IRS2: variants seen among roughly 807,000 people sequenced by gnomAD.
IRS2 encodes the protein insulin receptor substrate 2.
A neutral mutation model predicts 70.9 loss-of-function variants in IRS2; 28 were observed. The ratio of observed to expected loss-of-function variants is 0.39; its 90% CI spans 0.29 to 0.54. The LOEUF (loss-of-function observed/expected upper bound fraction) is 0.54, where lower values mean the gene tolerates loss of function less well. IRS2 is among the 20% of genes least tolerant of loss of function. The pLI, the probability that IRS2 is intolerant of heterozygous loss-of-function variation, is 0.59. For missense variants in IRS2, 2,081 were observed against 2,024.1 expected (o/e 1.03, Z -0.54); for synonymous variants, 1,217 against 981.9 (o/e 1.24, Z -4.48).
At chr13:109,766,199 T>C (rs546424435) in intron 1 of IRS2, among the ~76,000 whole-genome samples, 1 of 10,480 alleles carries the variant, frequency 9.5e-5, no homozygotes, top group African/African-American at 3.4e-4. Flanking sequence ...ACCAAGCATG[T>C]AGATATCCCA....
chr13:109,779,974 A>G (rs1877661384), intron 1 of IRS2, among the ~76,000 whole-genome samples: 1 of 152,150 alleles, frequency 6.6e-6, no homozygotes, highest in African/African-American at 2.4e-5. Context: ...ATTATTTCCT[A>G]TTTGGACCCC....
In IRS2 at chr13:109,783,464, G is replaced by C; in HGVS notation, c.2590C>G (p.Pro864Ala). 6.5e-7 allele frequency: 1 copy of C among 1,540,068 alleles called. No homozygotes were observed. Among genetic ancestry groups the C allele is most frequent in the Non-Finnish European group, 8.7e-7 (1 of 1,145,814 alleles). Residue 864 changes from proline (P) to alanine (A), a missense_variant, in exon 1 of 2, where the codon CCT (proline) becomes GCT (alanine). Around this residue, in one of 4 missense-constraint regions of IRS2, gnomAD observed 1,615 missense variants for 1,459.5 expected, o/e 1.11. Coordinates refer to ENST00000375856, the MANE Select transcript of IRS2 (RefSeq NM_003749.3). Reference protein sequence around the residue: ...FGAGPTQPPHPVVPSPVRPSG... With the variant: ...FGAGPTQPPHAVVPSPVRPSG... ...GGCCGCACGGGCGAAGGCACTACAG[G>C]GTGAGGGGGCTGCGTGGGGCCGGCC...
chr13:109,769,544 C>G (rs551692784), intron 1 of IRS2, among the ~76,000 whole-genome samples: 1 of 152,176 alleles, frequency 6.6e-6, no homozygotes, highest in South Asian at 2.1e-4. Context: ...TCTGTAAGAC[C>G]GGCTTCCCCT....
Position 109,783,713 on chromosome 13 carries a change from G to C in IRS2, c.2341C>G (p.Pro781Ala), listed in dbSNP as rs1270526175. 6.4e-7 allele frequency: 1 copy of C among 1,571,960 alleles called. No individual in the cohort carries two copies. The highest frequency in any genetic ancestry group is 8.6e-7 in the Non-Finnish European group (1 of 1,158,706). Residue 781 changes from proline (P) to alanine (A), a missense_variant, in exon 1 of 2, where the codon CCC becomes GCC. By Grantham distance (27) the Pro-to-Ala change is conservative (BLOSUM62 -1). This residue lies in a region of IRS2 where 1,615 missense variants were observed against 1,459.5 expected (regional missense o/e 1.11). Coordinates refer to ENST00000375856, the MANE Select transcript of IRS2 (RefSeq NM_003749.3). The stretch of plus-strand genomic sequence containing the variant: ...TGCAGGGCTGCGGAGAAGAAGTCGG[G>C]CGGGGTGCCCGTGGTGACCGCGTCG... ...PSDAVTTGTP[P>A]DFFSAALHPG...
Position 109,782,924 on chromosome 13 carries a change from G to C in IRS2, c.3130C>G (p.Leu1044Val), listed in dbSNP as rs1385034575. Reference protein sequence around the residue: ...PPPAPGELYRLPPASAVATAQ... With the variant: ...PPPAPGELYRVPPASAVATAQ... ...GTGGCAACGGCCGAGGCGGGGGGCAGGCGGTACAGCTCCCCCGGGGCCGGC... is the reference window on the plus strand; with the variant it reads ...GTGGCAACGGCCGAGGCGGGGGGCACGCGGTACAGCTCCCCCGGGGCCGGC... The change falls in exon 1 of 2, where the codon CTG becomes GTG. Residue 1044 changes from leucine to valine, a missense_variant. Coordinates refer to ENST00000375856, the MANE Select transcript of IRS2 (RefSeq NM_003749.3). The C allele has an allele frequency of 2.8e-5, 43 of 1,540,082 alleles. No individual in the cohort carries two copies. The highest frequency in any genetic ancestry group is 3.7e-5 in the Non-Finnish European group (42 of 1,142,394).
intron 1 of IRS2, among the ~76,000 whole-genome samples, chr13:109,781,190 C>T (rs1206301699): frequency 6.6e-6 from 1 of 152,152 alleles, no homozygotes. Context: ...TCAATCCTCC[C>T]CAGGTGAGTC....
At chr13:109,773,758 A>G (rs1163861152) in intron 1 of IRS2, among the ~76,000 whole-genome samples, 2 of 152,214 alleles carry the variant, frequency 1.3e-5, no homozygotes, top group African/African-American at 4.8e-5. Flanking sequence ...GGTTTCTTTT[A>G]GTCTATGGAT....
At chr13:109,767,692 A>T (rs1029721907) in intron 1 of IRS2, among the ~76,000 whole-genome samples, 1 of 148,350 alleles carries the variant, frequency 6.7e-6, no homozygotes, top group Non-Finnish European at 1.5e-5. Context: ...TCACGCAGTG[A>T]TATTCCATTC....
At chr13:109,781,943 G>T in intron 1 of IRS2, 99 bp downstream of exon 1, 2 of 1,383,538 alleles carry the variant, frequency 1.4e-6, no homozygotes, top group Non-Finnish European at 2.0e-6. Flanking sequence ...CGGCTTCTGG[G>T]TCAAGGTCCC....
chr13:109,784,251 C>A lies in IRS2; in HGVS notation c.1803G>T (p.Met601Ile), dbSNP rs761797472. The stretch of plus-strand genomic sequence containing the variant: ...CCGCGCTGCCCGAGAAGGTGGCCCG[C>A]ATCAGGGTGTATTCATCCAGCGAGG... The part of the protein sequence containing the change: ...SSASLDEYTL[M>I]RATFSGSAGR... Residue 601 changes from methionine (M) to isoleucine (I), a missense_variant, in exon 1 of 2, where the codon ATG (methionine) becomes ATT (isoleucine). By Grantham distance (10) the Met-to-Ile change is conservative. Around this residue, in one of 4 missense-constraint regions of IRS2, gnomAD observed 1,615 missense variants for 1,459.5 expected, o/e 1.11. Coordinates refer to ENST00000375856, the MANE Select transcript of IRS2 (RefSeq NM_003749.3). The surrounding 1 kb of genome is among the most constrained non-coding windows in gnomAD (Gnocchi z 5.2). The A allele has an allele frequency of 5.7e-6, 9 of 1,583,298 alleles. No homozygotes were observed. The South Asian group carries it at 9.0e-5, about 16-fold the overall frequency.
chr13:109,782,442 T>G lies in IRS2; in HGVS notation c.3612A>C (p.Pro1204=), dbSNP rs376586626. 374 of 1,583,108 alleles carry G rather than the reference T, an allele frequency of 2.4e-4. 1 individual carries two copies. The African/African-American group carries it at 4.6e-3, about 20-fold the overall frequency. The part of the protein sequence containing the change: ...PGGGDEPPTS[P]RQLQPAPPLA... The stretch of plus-strand genomic sequence containing the variant: ...AAGGGGGCGCCGGCTGCAACTGTCG[T>G]GGGGAGGTGGGCGGCTCGTCGCCCC... Residue 1204 remains proline (P), a synonymous_variant, in exon 1 of 2, where the codon CCA becomes CCC. Coordinates refer to ENST00000375856, the MANE Select transcript of IRS2 (RefSeq NM_003749.3).
intron 1 of IRS2, among the ~76,000 whole-genome samples, chr13:109,769,153 A>G (rs1456460940): frequency 1.3e-5 from 2 of 152,124 alleles, no homozygotes; most frequent in African/African-American, 2.4e-5. Flanking sequence ...TTCAAATTTT[A>G]TATACTTTTG....
In IRS2 at chr13:109,753,489, GCTC is replaced by G. The variant is rs1348465336; in HGVS notation, c.*2812_*2814del. On this transcript the variant is annotated 3_prime_UTR_variant, in exon 2 of 2. Coordinates refer to ENST00000375856, the MANE Select transcript of IRS2 (RefSeq NM_003749.3). Reference sequence around the variant, plus strand: ...GTCTCTTAGCATTTTTGTACCTCGGGCTCCTCCTCTGTAGAATGAGGATGACAA... The same window carrying G: ...GTCTCTTAGCATTTTTGTACCTCGGGCTCCTCTGTAGAATGAGGATGACAA... 1.3e-5 allele frequency: 2 copies of G among 152,222 alleles called. No homozygotes were observed. Among genetic ancestry groups the G allele is most frequent in the African/African-American group, 4.8e-5 (2 of 41,422 alleles). 9.4% of individuals were successfully genotyped at this position (152,222 alleles called of 1,614,324 possible).
chr13:109,763,046 C>CCATA (rs984087342), intron 1 of IRS2, among the ~76,000 whole-genome samples: 3 of 152,128 alleles, frequency 2.0e-5, no homozygotes, highest in Admixed American at 6.5e-5. Flanking sequence ...TGCTTTCACA[C>CCATA]CATAAGCAGA....
intron 1 of IRS2, among the ~76,000 whole-genome samples, chr13:109,767,721 ATTTTTCCTTTTTTT>A (rs1877364951): frequency 1.6e-5 from 2 of 123,112 alleles, no homozygotes; most frequent in African/African-American, 3.1e-5. Flanking sequence ...CAGCTCGACC[ATTTTTCCTTTTTTT>A]TTTTTTTTTT....
chr13:109,782,498 T>G lies in IRS2; in HGVS notation c.3556A>C (p.Ser1186Arg). 6.4e-7 allele frequency: 1 copy of G among 1,553,602 alleles called. No individual in the cohort carries two copies. Among genetic ancestry groups the G allele is most frequent in the Non-Finnish European group, 8.7e-7 (1 of 1,149,402 alleles). Residue 1186 changes from serine to arginine, a missense_variant, in exon 1 of 2, where the codon AGC (serine) becomes CGC (arginine). Around this residue, in one of 4 missense-constraint regions of IRS2, gnomAD observed 1,615 missense variants for 1,459.5 expected, o/e 1.11. Transcript: ENST00000375856. ...GGGCCGACACCCACGCCGCCCTCGC[T>G]GCTTTTCCTGAGAGAGACATTTTCC... ...SVENVSLRKSSEGGVGVGPGG... is the reference protein window; with the variant it reads ...SVENVSLRKSREGGVGVGPGG...
At position 109,783,145 on chromosome 13, in the gene IRS2, C is replaced by A; in HGVS notation, c.2909G>T (p.Arg970Leu). 7.2e-7 allele frequency: 1 copy of A among 1,380,482 alleles called. No individual in the cohort carries two copies. Among genetic ancestry groups the A allele is most frequent in the Non-Finnish European group, 9.3e-7 (1 of 1,073,220 alleles). The allele number at this position is 1,380,482 out of a possible 1,614,324, so 85.5% of individuals were successfully genotyped here. A position where few individuals can be genotyped will look rare whatever the true frequency, so the allele number is the denominator to read the frequency against. Reference sequence around the variant, plus strand: ...GTAGTCGGAGAGCGGAGACCGCTGCCGGCTGTCGCTGCTGGTGCCCGGGGT... The same window carrying A: ...GTAGTCGGAGAGCGGAGACCGCTGCAGGCTGTCGCTGCTGGTGCCCGGGGT... ...SGTPGTSSDS[R>L]QRSPLSDYMN... Residue 970 changes from arginine (R) to leucine (L), a missense_variant, in exon 1 of 2, where the codon CGG becomes CTG. Arg to Leu is a moderately radical substitution (Grantham distance 102). Coordinates refer to ENST00000375856, the MANE Select transcript of IRS2 (RefSeq NM_003749.3).
At position 109,782,039 on chromosome 13, in the gene IRS2, C is replaced by T. The variant is rs981278546; in HGVS notation, c.4012+3G>A. The T allele has an allele frequency of 4.3e-6, 7 of 1,612,118 alleles. No individual in the cohort carries two copies. The African/African-American group carries it at 9.3e-5, about 22-fold the overall frequency. The stretch of plus-strand genomic sequence containing the variant: ...CAGACGCCAAGGCAAAGGGCCTCCT[C>T]ACCTTTCACGATGGTGGCCTCCTTC... On this transcript the variant is annotated splice_donor_region_variant and intron_variant, in intron 1 of 1. Coordinates refer to ENST00000375856, the MANE Select transcript of IRS2 (RefSeq NM_003749.3).
intron 1 of IRS2, among the ~76,000 whole-genome samples, chr13:109,776,036 C>A (rs777777042): frequency 2.0e-5 from 3 of 151,804 alleles, no homozygotes; most frequent in Non-Finnish European, 4.4e-5. Context: ...CTAGTCCCAG[C>A]TACTCAGGAG....
Sources: allele counts gnomAD v4.1 joint callset (sites outside exome capture counted in the v4.1 genomes callset), GRCh38; gene constraint gnomAD v4.1.1; regional missense constraint gnomAD v4.1.1; non-coding constraint Gnocchi (gnomAD v3.1); transcripts MANE v1.5; gene names NCBI Gene and HGNC (gene_info 2026-07-23, HGNC 2026-07-21).